AGXT2: variants seen among roughly 807,000 people sequenced by gnomAD.
The protein encoded by AGXT2 is alanine--glyoxylate aminotransferase 2, mitochondrial.
Under a neutral mutation model 62.5 loss-of-function variants are expected in AGXT2, and 61 were observed. The ratio of observed to expected loss-of-function variants is 0.98; its 90% CI spans 0.79 to 1.21. The LOEUF (loss-of-function observed/expected upper bound fraction) is 1.21. Among genes scored for constraint, AGXT2 ranks in the 50% most tolerant of loss-of-function variants. AGXT2 has a pLI of 0.00. For synonymous variants in AGXT2, 243 were observed against 218.7 expected, an observed-to-expected ratio of 1.11 and a Z score of -0.98; for missense variants, 666 against 641.5, an observed-to-expected ratio of 1.04 and a Z score of -0.41.
chr5:35,024,294 T>A (rs1042971319), intron 9 of AGXT2, among the ~76,000 whole-genome samples: 1 of 152,216 alleles, frequency 6.6e-6, no homozygotes, highest in Non-Finnish European at 1.5e-5. Flanking sequence ...TGTCCTTGGC[T>A]GGTCTAACCA....
At chr5:35,045,733 A>C (rs1579520777) in intron 1 of AGXT2, among the ~76,000 whole-genome samples, 1 of 149,390 alleles carries the variant, frequency 6.7e-6, no homozygotes, top group Non-Finnish European at 1.5e-5. Context: ...CATTCAGTCT[A>C]GGTAGTGTGG....
intron 9 of AGXT2, among the ~76,000 whole-genome samples, chr5:35,014,388 G>A (rs1196123521): frequency 6.7e-6 from 1 of 149,626 alleles, no homozygotes; most frequent in Non-Finnish European, 1.5e-5. Flanking sequence ...GGAGGGCAGA[G>A]GCTGCAGTGA....
At chr5:35,009,527 T>A (rs181251025) in intron 12 of AGXT2, among the ~76,000 whole-genome samples, 3 of 152,038 alleles carry the variant, frequency 2.0e-5, no homozygotes, top group African/African-American at 7.2e-5. Context: ...ACCTGTAAGG[T>A]GGAGGTTGCA....
chr5:35,016,635 C>T (rs1766859116), intron 9 of AGXT2, among the ~76,000 whole-genome samples: 1 of 152,144 alleles, frequency 6.6e-6, no homozygotes, highest in Non-Finnish European at 1.5e-5. Flanking sequence ...GGACATGAGC[C>T]TGCCGTCTTC....
chr5:35,026,417 G>T lies in AGXT2; in HGVS notation c.863C>A (p.Pro288His), dbSNP rs930170136. The change falls in exon 8 of 14, where the codon CCT becomes CAT. Residue 288 changes from proline to histidine, a missense_variant. By Grantham distance (77) the Pro-to-His change is moderately conservative (BLOSUM62 -2). Transcript: ENST00000231420. ...TAAGGTTCATATACCCACTTGAATAGGTTCTGCGAAAAATCCAGCAATTGA... is the reference window on the plus strand; with the variant it reads ...TAAGGTTCATATACCCACTTGAATATGTTCTGCGAAAAATCCAGCAATTGA... The part of the protein sequence containing the change: ...AKSIAGFFAE[P>H]IQGVNGVVQY... 2 of 1,613,686 alleles carry T rather than the reference G, an allele frequency of 1.2e-6. No homozygotes were observed. The highest frequency in any genetic ancestry group is 1.7e-6 in the Non-Finnish European group (2 of 1,179,744).
chr5:35,008,051 T>TG (rs1766499243), intron 12 of AGXT2, among the ~76,000 whole-genome samples: 1 of 152,146 alleles, frequency 6.6e-6, no homozygotes, highest in African/African-American at 2.4e-5. Flanking sequence ...CCTCATCAGA[T>TG]GCAGATGCTG....
intron 6 of AGXT2, 118 bp from the exon 7 acceptor site, chr5:35,032,943 C>T (rs1767626479): frequency 5.0e-6 from 4 of 803,620 alleles, no homozygotes; most frequent in Non-Finnish European, 6.3e-6. Flanking sequence ...TCATTCTTCC[C>T]CCACTTAAGA....
intron 7 of AGXT2, among the ~76,000 whole-genome samples, chr5:35,028,798 G>GA (rs1467883639): frequency 6.6e-6 from 1 of 152,182 alleles, no homozygotes; most frequent in African/African-American, 2.4e-5. Flanking sequence ...GGAAGGGATG[G>GA]AAAGCCTCAA....
intron 7 of AGXT2, among the ~76,000 whole-genome samples, chr5:35,030,229 C>A (rs116300175): frequency 3.9e-5 from 6 of 152,144 alleles, no homozygotes; most frequent in African/African-American, 1.4e-4. Flanking sequence ...AACAGCTGGC[C>A]GGGCATGGTG....
rs772881334 is a variant in AGXT2, at chr5:35,036,912, C to A, written c.486+30G>T. ...TCATACCTTTTTTTTTCCCCCATAA[C>A]ATTCACCTCCTGCAGGAAGAGCATT... On this transcript the variant is annotated intron_variant, in intron 4 of 13. Transcript: ENST00000231420. 5.0e-6 allele frequency: 8 copies of A among 1,613,416 alleles called. No individual in the cohort carries two copies. In the East Asian group the frequency reaches 1.6e-4, roughly 31 times the overall value.
At chr5:35,035,503 C>T (rs551533103) in intron 4 of AGXT2, among the ~76,000 whole-genome samples, 187 bp from the exon 5 acceptor site, 2 of 152,282 alleles carry the variant, frequency 1.3e-5, no homozygotes, top group African/African-American at 4.8e-5. Context: ...CTCCAGTAGC[C>T]ACTAAGTGCC....
chr5:35,029,314 C>T (rs948014083), intron 7 of AGXT2, among the ~76,000 whole-genome samples: 3 of 152,176 alleles, frequency 2.0e-5, no homozygotes, highest in Non-Finnish European at 2.9e-5. Context: ...ATTTAACAAG[C>T]CCATTTGTAA....
At chr5:35,005,205 G>A (rs1429985322) in intron 12 of AGXT2, among the ~76,000 whole-genome samples, 3 of 152,040 alleles carry the variant, frequency 2.0e-5, no homozygotes, top group East Asian at 1.9e-4. Context: ...TTGGGTTGGG[G>A]GGGTCAGTTC....
rs754053474 is a variant in AGXT2, at chr5:35,032,742, G to C, written c.759C>G (p.Ser253Arg). The C allele has an allele frequency of 6.2e-7, 1 of 1,607,388 alleles. No homozygotes were observed. The highest frequency in any genetic ancestry group is 1.3e-5 in the African/African-American group (1 of 74,848). ...CTTGCCCAGTCGGACCTGGTGCACA[G>C]CTGCACTTCCTGATTGTTTGCACTG... ...DSPVQTIRKC[S>R]CAPDCCQAKD... The change falls in exon 7 of 14, where the codon AGC becomes AGG. Residue 253 changes from serine to arginine, a missense_variant. Transcript: ENST00000231420.
intron 1 of AGXT2, among the ~76,000 whole-genome samples, chr5:35,045,989 G>A (rs1005292613): frequency 2.0e-5 from 3 of 151,930 alleles, no homozygotes; most frequent in Non-Finnish European, 2.9e-5. Flanking sequence ...GGATGGTCTC[G>A]ATCTCCTGAC....
At chr5:35,030,001 G>T (rs1767500753) in intron 7 of AGXT2, among the ~76,000 whole-genome samples, 1 of 152,162 alleles carries the variant, frequency 6.6e-6, no homozygotes, top group Non-Finnish European at 1.5e-5. Context: ...CCTATCAATA[G>T]GTTAAGAGGA....
rs751498933 is a variant in AGXT2 at position 35,033,460 on chromosome 5, T to C, written c.675A>G (p.Pro225=). The C allele has an allele frequency of 6.2e-7, 1 of 1,609,698 alleles. No homozygotes were observed. The highest frequency in any genetic ancestry group is 1.7e-5 in the Admixed American group (1 of 60,012). The change falls in exon 6 of 14, where the codon CCA becomes CCG. Residue 225 remains proline (P), a splice_region_variant and synonymous_variant. Transcript: ENST00000231420. ...MELPGGTGCQ[P]TMCPDVFRGP... The stretch of plus-strand genomic sequence containing the variant: ...ACAAGAGAAAAATCTCCAAACTCAC[T>C]GGTTGGCAACCTGTCCCACCAGGGA...
chr5:35,004,779 T>C (rs1465466009), intron 12 of AGXT2, among the ~76,000 whole-genome samples: 1 of 152,100 alleles, frequency 6.6e-6, no homozygotes, highest in Non-Finnish European at 1.5e-5. Flanking sequence ...CCCAGTTTCA[T>C]TACATCCTCC....
intron 9 of AGXT2, among the ~76,000 whole-genome samples, chr5:35,017,764 C>G (rs1417325739): frequency 6.6e-6 from 1 of 152,130 alleles, no homozygotes; most frequent in Admixed American, 6.5e-5. Context: ...TTCAGACGAT[C>G]AAATTACTCC....
Sources: gnomAD v4.1 joint callset for allele counts (sites outside exome capture counted in the v4.1 genomes callset) on GRCh38, gnomAD v4.1.1 for gene constraint, MANE v1.5 for transcripts, NCBI Gene and HGNC (gene_info 2026-07-23, HGNC 2026-07-21) for gene names.